The following SLC19A1 variants were observed in gnomAD, a reference collection of about 807,000 sequenced individuals.
SLC19A1 encodes the protein solute carrier family 19 member 1, also known as reduced folate transporter.
SLC19A1 carries 37 observed loss-of-function variants against 35.3 expected under a neutral mutation model. That is an observed-to-expected ratio of 1.05 (90% CI 0.81 to 1.38). The LOEUF is 1.38. Ranked by LOEUF, SLC19A1 falls within the 40% of genes most tolerant of loss-of-function variation. The probability of loss-of-function intolerance (pLI) is 0.00; values close to 1 mark genes in which losing one functional copy is unlikely to be tolerated. For synonymous variants in SLC19A1, 460 were observed against 398.5 expected, an observed-to-expected ratio of 1.15 and a Z score of -1.84; for missense variants, 831 against 826.9, an observed-to-expected ratio of 1.00 and a Z score of -0.06.
chr21:45,561,637 T>C (rs2146521081), intron 1 of SLC19A1, among the ~76,000 whole-genome samples: 1 of 152,180 alleles, frequency 6.6e-6, no homozygotes, highest in Non-Finnish European at 1.5e-5. Flanking sequence ...GGCATGCACC[T>C]GTAGTCCCAG....
chr21:45,522,753 C>T (rs376202522), intron 5 of SLC19A1, among the ~76,000 whole-genome samples: 9 of 152,162 alleles, frequency 5.9e-5, no homozygotes, highest in African/African-American at 2.2e-4. Context: ...AATGCATAGC[C>T]GTGTTTATAC....
chr21:45,508,678 C>T (rs1410363517), downstream of SLC19A1, among the ~76,000 whole-genome samples: 1 of 152,204 alleles, frequency 6.6e-6, no homozygotes, highest in Non-Finnish European at 1.5e-5. Flanking sequence ...AGCGGCCTGT[C>T]TCCTCACAGG....
At position 45,534,734 on chromosome 21, in the gene SLC19A1, G is replaced by A. The variant is rs1343278536; in HGVS notation, c.190-2586C>T. ...TACTCCCTCTTCCTCAGCCTTGGCA[G>A]GCAGACAGCAGGGAGGCTCTGCCCA... On this transcript the variant is annotated intron_variant, in intron 2 of 5. Coordinates refer to ENST00000311124, the MANE Select transcript of SLC19A1 (RefSeq NM_194255.4). The surrounding 1 kb of genome is among the most constrained non-coding windows in gnomAD (Gnocchi z 4.2). 1 of 749,136 alleles carries A rather than the reference G, an allele frequency of 1.3e-6. No individual in the cohort carries two copies. Among genetic ancestry groups the A allele is most frequent in the Non-Finnish European group, 2.2e-6 (1 of 457,252 alleles). 46.4% of individuals were successfully genotyped at this position (749,136 alleles called of 1,614,324 possible).
At position 45,530,783 on chromosome 21, in the gene SLC19A1, C is replaced by T. The variant is rs759889380; in HGVS notation, c.1138G>A (p.Val380Met). The change falls in exon 4 of 6, where the codon GTG becomes ATG. Residue 380 changes from valine to methionine, a missense_variant. Val to Met is a conservative substitution (Grantham distance 21, BLOSUM62 1). Coordinates refer to ENST00000311124, the MANE Select transcript of SLC19A1 (RefSeq NM_194255.4). The surrounding 1 kb of genome is among the most constrained non-coding windows in gnomAD (Gnocchi z 5.3). ...VLFRGSYQFLVPIATFQIASS... is the reference protein window; with the variant it reads ...VLFRGSYQFLMPIATFQIASS... ...TCTGGAACTCACGTGGCGATGGGCA[C>T]GAGGAACTGGTAGGAGCCGCGGAAC... The T allele has an allele frequency of 1.3e-6, 2 of 1,561,460 alleles. No individual in the cohort carries two copies. The highest frequency in any genetic ancestry group is 2.4e-5 in the East Asian group (1 of 42,154).
intron 3 of SLC19A1, chr21:45,504,254 C>A: frequency 1.1e-6 from 1 of 873,166 alleles, no homozygotes; most frequent in Non-Finnish European, 1.8e-6. Context: ...TCGGCTGATG[C>A]AGTGGGAGGT....
downstream of SLC19A1, chr21:45,509,420 G>T (rs374207420): frequency 4.5e-6 from 7 of 1,538,636 alleles, no homozygotes; most frequent in Non-Finnish European, 6.1e-6. Context: ...CCCTACCCGC[G>T]GCGGGAGCAC....
intron 1 of SLC19A1, among the ~76,000 whole-genome samples, chr21:45,553,756 G>A (rs182780944): frequency 3.8e-3 from 3 of 788 alleles, no homozygotes; most frequent in African/African-American, 0.019. Context: ...AATCCCCCAC[G>A]CCCCATCCCA....
At chr21:45,509,526 C>A, downstream of SLC19A1, 1 of 1,536,460 alleles carries the variant, frequency 6.5e-7, no homozygotes, top group Non-Finnish European at 8.8e-7. Context: ...CCCCGCACCA[C>A]AGCTCCTACG....
At chr21:45,535,317 C>G (rs888506084) in intron 2 of SLC19A1, among the ~76,000 whole-genome samples, 6 of 152,196 alleles carry the variant, frequency 3.9e-5, no homozygotes, top group African/African-American at 1.2e-4. Flanking sequence ...AAGCAGAAAC[C>G]CTGGAGGGAA....
At position 45,558,132 on chromosome 21, in the gene SLC19A1, G is replaced by A. The variant is rs1442853280; in HGVS notation, c.-50+4610C>T. Among the ~76,000 whole-genome samples, 5 of 152,260 alleles carry A rather than the reference G, an allele frequency of 3.3e-5. No individual in the cohort carries two copies. The East Asian group carries it at 9.6e-4, about 29-fold the overall frequency. On this transcript the variant is annotated intron_variant, in intron 1 of 5. Transcript: ENST00000650808. ...GTTAGCACGTCCCGTGCTGACGAGA[G>A]ACTGGAGGCGGCTTCTGAAAACCCT...
At chr21:45,510,496 C>G (rs1229448644), downstream of SLC19A1, among the ~76,000 whole-genome samples, 2 of 152,182 alleles carry the variant, frequency 1.3e-5, no homozygotes, top group African/African-American at 2.4e-5. Context: ...CATGAGGCCC[C>G]CCCGTGGCCC....
intron 1 of SLC19A1, among the ~76,000 whole-genome samples, chr21:45,539,448 G>T (rs888131734): frequency 6.6e-6 from 1 of 152,252 alleles, no homozygotes; most frequent in Non-Finnish European, 1.5e-5. Flanking sequence ...GTGGCAGGGG[G>T]TCTGCAGAGG....
chr21:45,551,430 C>A (rs1236137942), intron 1 of SLC19A1, among the ~76,000 whole-genome samples: 1 of 152,070 alleles, frequency 6.6e-6, no homozygotes, highest in Non-Finnish European at 1.5e-5. Context: ...TTTAATAATT[C>A]ATTCCTCTCA....
At chr21:45,504,630 C>T (rs1002789694) in intron 3 of SLC19A1, 144 of 1,354,560 alleles carry the variant, frequency 1.1e-4, no homozygotes, top group East Asian at 8.8e-4. Context: ...AGGTCCAGCC[C>T]GGCCTTCGAC....
At chr21:45,504,635 TTCGACACCCGCGAAG>T in intron 3 of SLC19A1, 4 of 1,323,250 alleles carry the variant, frequency 3.0e-6, no homozygotes, top group Non-Finnish European at 4.2e-6. Flanking sequence ...CAGCCCGGCC[TTCGACACCCGCGAAG>T]GCCGGAGCTG....
At chr21:45,512,261 C>A (rs1403108537), downstream of SLC19A1, 5 of 1,611,750 alleles carry the variant, frequency 3.1e-6, no homozygotes, top group Admixed American at 8.3e-5. Flanking sequence ...TGAGACGTGG[C>A]GGACGGAGGC....
At chr21:45,560,913 G>A (rs991575123) in intron 1 of SLC19A1, among the ~76,000 whole-genome samples, 4 of 152,218 alleles carry the variant, frequency 2.6e-5, no homozygotes, top group African/African-American at 7.2e-5. Context: ...CACGGCTGGC[G>A]GAGGGAATGC....
At chr21:45,543,530 G>C, upstream of SLC19A1, among the ~76,000 whole-genome samples, 1 of 152,228 alleles carries the variant, frequency 6.6e-6, no homozygotes, top group East Asian at 1.9e-4. Context: ...GCCTCCTGGT[G>C]TTGCGGGGGT....
downstream of SLC19A1, chr21:45,509,307 G>C (rs759760173): frequency 5.2e-6 from 8 of 1,535,288 alleles, no homozygotes; most frequent in Non-Finnish European, 5.2e-6. Flanking sequence ...TGGAGGAGGG[G>C]CACCCGGAGG....
Sources: allele counts gnomAD v4.1 joint callset (sites outside exome capture counted in the v4.1 genomes callset), GRCh38; gene constraint gnomAD v4.1.1; non-coding constraint Gnocchi (gnomAD v3.1); transcripts MANE v1.5; gene names NCBI Gene and HGNC (gene_info 2026-07-23, HGNC 2026-07-21).